Variants in ZNF33A observed in about 807,000 individuals in gnomAD.
The protein encoded by ZNF33A is brain my041 protein.
ZNF33A carries 9 observed loss-of-function variants against 15.9 expected under a neutral mutation model. The ratio of observed to expected loss-of-function variants is 0.57; its 90% confidence interval spans 0.34 to 0.99. The LOEUF (loss-of-function observed/expected upper bound fraction) is 0.99. Among genes scored for constraint, ZNF33A ranks in the 50% least tolerant of loss-of-function variants. ZNF33A has a pLI of 0.02. For missense variants in ZNF33A, 843 were observed against 941.6 expected (o/e 0.90, Z 1.37); for synonymous variants, 294 against 324.2 (o/e 0.91, Z 1.00).
Position 38,047,190 on chromosome 10 carries a change from CA to C in ZNF33A, c.251-7162del, listed in dbSNP as rs61278605. The stretch of plus-strand genomic sequence containing the variant: ...TGAGACCGTCTCCCCCCACCCCTGC[CA>C]AAAAAAAAAAAAAAAAAAAAAAGAA... On this transcript the variant is annotated intron_variant, in intron 4 of 4. Coordinates refer to ENST00000432900, the MANE Select transcript of ZNF33A (RefSeq NM_006954.2). Among the ~76,000 whole-genome samples, 455 of 64,024 alleles carry C rather than the reference CA, an allele frequency of 7.1e-3. 2 individuals are homozygous for C. The South Asian group carries it at 0.092, about 13-fold the overall frequency. The allele number at this position is 64,024 out of a possible 152,430, so 42.0% of individuals were successfully genotyped here. A position where few individuals can be genotyped will look rare whatever the true frequency, so the allele number is the denominator to read the frequency against.
chr10:38,064,393 TTG>T, downstream of ZNF33A: 1 of 411,730 alleles, frequency 2.4e-6, no homozygotes, highest in Non-Finnish European at 4.3e-6. Context: ...TCTCGTGTCC[TTG>T]GAGCTGCTGT....
downstream of ZNF33A, among the ~76,000 whole-genome samples, chr10:38,061,965 A>T (rs889053804): frequency 1.3e-5 from 2 of 152,178 alleles, no homozygotes; most frequent in Non-Finnish European, 2.9e-5. Flanking sequence ...AAAACAAAAC[A>T]AAACAAAAAA....
chr10:38,013,294 A>G (rs140053703), intron 2 of ZNF33A, among the ~76,000 whole-genome samples: 9,077 of 151,946 alleles, frequency 0.06, 338 homozygotes, highest in Middle Eastern at 0.095. Context: ...TATTTTTAGT[A>G]GAGACGGGGT....
intron 4 of ZNF33A, among the ~76,000 whole-genome samples, chr10:38,030,326 A>T (rs1356523314): frequency 6.6e-6 from 1 of 152,250 alleles, no homozygotes; most frequent in Non-Finnish European, 1.5e-5. Context: ...TAATAGCCCA[A>T]ACCTGAATAA....
chr10:38,052,804 A>T (rs951295767), intron 4 of ZNF33A, among the ~76,000 whole-genome samples: 1 of 152,006 alleles, frequency 6.6e-6, no homozygotes, highest in Non-Finnish European at 1.5e-5. Flanking sequence ...TAGTTTTATT[A>T]AGCTATGTTT....
chr10:38,029,690 C>T (rs1455082491), intron 4 of ZNF33A, among the ~76,000 whole-genome samples: 4 of 152,016 alleles, frequency 2.6e-5, no homozygotes, highest in East Asian at 3.9e-4. Context: ...TGCAAAGAAA[C>T]GGGAAAAATG....
intron 4 of ZNF33A, chr10:38,039,701 T>C (rs746523577): frequency 7.9e-5 from 31 of 392,016 alleles, no homozygotes; most frequent in Non-Finnish European, 1.4e-4. Flanking sequence ...TTTGTAATTA[T>C]TTTTATTTCT....
chr10:38,017,754 T>C (rs1301170034), intron 4 of ZNF33A: 2 of 181,924 alleles, frequency 1.1e-5, no homozygotes, highest in Non-Finnish European at 2.3e-5. Flanking sequence ...ACACTCATTT[T>C]TAAACTCAGC....
At chr10:38,040,579 T>C (rs141691066) in intron 4 of ZNF33A, among the ~76,000 whole-genome samples, 4,432 of 152,286 alleles carry the variant, frequency 0.029, 100 homozygotes, top group Non-Finnish European at 0.043. Flanking sequence ...AGTAAAATTT[T>C]TGTATTAAAG....
chr10:38,066,242 C>G (rs559856706), downstream of ZNF33A, among the ~76,000 whole-genome samples: 20 of 152,082 alleles, frequency 1.3e-4, no homozygotes, highest in African/African-American at 4.8e-4. Flanking sequence ...CCAGCTATTT[C>G]TTTCTTAACT....
chr10:38,054,634 T>G lies in ZNF33A; in HGVS notation c.510T>G (p.Phe170Leu). 1 of 1,612,768 alleles carries G rather than the reference T, an allele frequency of 6.2e-7. No homozygotes were observed. The highest frequency in any genetic ancestry group is 8.5e-7 in the Non-Finnish European group (1 of 1,179,694). The change falls in exon 5 of 5, where the codon TTT (phenylalanine) becomes TTG (leucine). Residue 170 changes from phenylalanine (F) to leucine (L), a missense_variant. By Grantham distance (22) the Phe-to-Leu change is conservative (BLOSUM62 0). Transcript: ENST00000432900. Reference sequence around the variant, plus strand: ...ATTTAGGAAAAAAGTCTGATGAATTTAATGCCTGTGGGAAATTGTTACTCA... The same window carrying G: ...ATTTAGGAAAAAAGTCTGATGAATTGAATGCCTGTGGGAAATTGTTACTCA... The part of the protein sequence containing the change: ...INYLGKKSDE[F>L]NACGKLLLNI...
chr10:38,033,711 C>CTT (rs369166182), intron 4 of ZNF33A, among the ~76,000 whole-genome samples: 26 of 146,336 alleles, frequency 1.8e-4, no homozygotes, highest in Admixed American at 4.1e-4. Flanking sequence ...TGTTGAACAT[C>CTT]TTTTTTTTTT....
chr10:38,034,950 A>G (rs1022197180), intron 4 of ZNF33A, among the ~76,000 whole-genome samples: 1 of 152,048 alleles, frequency 6.6e-6, no homozygotes, highest in African/African-American at 2.4e-5. Flanking sequence ...TCTACATGTA[A>G]CCATCTGTAT....
chr10:38,040,711 T>C (rs1205104843), intron 4 of ZNF33A, among the ~76,000 whole-genome samples: 1 of 152,220 alleles, frequency 6.6e-6, no homozygotes, highest in African/African-American at 2.4e-5. Context: ...CAGCACATGT[T>C]TGGATTTTCA....
At chr10:38,044,842 G>GT (rs2065882905) in intron 4 of ZNF33A, among the ~76,000 whole-genome samples, 1 of 150,614 alleles carries the variant, frequency 6.6e-6, no homozygotes, top group Non-Finnish European at 1.5e-5. Context: ...TAATTTTTGT[G>GT]TTTTTAGTAG....
Position 38,055,284 on chromosome 10 carries a change from G to C in ZNF33A, c.1160G>C (p.Cys387Ser). Residue 387 changes from cysteine to serine, a missense_variant, in exon 5 of 5, where the codon TGC becomes TCC. By Grantham distance (112) the Cys-to-Ser change is moderately radical. Coordinates refer to ENST00000432900, the MANE Select transcript of ZNF33A (RefSeq NM_006954.2). ...RSHTGEKPFE[C>S]NECGKAFSHK... ...CACACAGGGGAGAAACCTTTTGAAT[G>C]CAATGAATGTGGGAAAGCCTTTAGC... The C allele has an allele frequency of 6.2e-7, 1 of 1,614,100 alleles. No homozygotes were observed. Among genetic ancestry groups the C allele is most frequent in the African/African-American group, 1.3e-5 (1 of 75,034 alleles).
chr10:38,063,152 A>C (rs2066675168), downstream of ZNF33A, among the ~76,000 whole-genome samples: 1 of 152,174 alleles, frequency 6.6e-6, no homozygotes, highest in African/African-American at 2.4e-5. Context: ...ACAGACTGGC[A>C]TCTTTGCAGA....
intron 4 of ZNF33A, among the ~76,000 whole-genome samples, chr10:38,021,342 G>A (rs2064730308): frequency 6.6e-6 from 1 of 151,344 alleles, no homozygotes; most frequent in African/African-American, 2.4e-5. Flanking sequence ...AACTGATTGA[G>A]CTGAAAAGAG....
In ZNF33A at chr10:38,057,073, TAGAG is replaced by T. The variant is rs1454074730; in HGVS notation, c.*515_*518del. ...AAATCGATGTTACCTTGCTGGTAGA[TAGAG>T]ACTTAGTCAGATTTTACTATGGTTT... is the stretch of plus-strand genomic sequence containing the variant. On this transcript the variant is annotated 3_prime_UTR_variant, in exon 5 of 5. Coordinates refer to ENST00000432900, the MANE Select transcript of ZNF33A (RefSeq NM_006954.2). 1 of 648,970 alleles carries T rather than the reference TAGAG, an allele frequency of 1.5e-6. No homozygotes were observed. The highest frequency in any genetic ancestry group is 2.0e-5 in the African/African-American group (1 of 50,914). The allele number at this position is 648,970 out of a possible 1,614,324, so 40.2% of individuals were successfully genotyped here.
Sources: allele counts gnomAD v4.1 joint callset (sites outside exome capture counted in the v4.1 genomes callset), GRCh38; gene constraint gnomAD v4.1.1; transcripts MANE v1.5; gene names NCBI Gene and HGNC (gene_info 2026-07-23, HGNC 2026-07-21).